NUP85: variants seen among roughly 807,000 people sequenced by gnomAD.
The protein encoded by NUP85 is nucleoporin 85.
A neutral mutation model predicts 92.8 loss-of-function variants in NUP85; 23 were observed. The observed-to-expected ratio is 0.25, with a 90% confidence interval of 0.18 to 0.35. The LOEUF is 0.35. Ranked by LOEUF, NUP85 falls within the 10% of genes least tolerant of loss-of-function variation. The pLI is 1.00. For synonymous variants in NUP85, 314 were observed against 306.9 expected (o/e 1.02, Z -0.24); for missense variants, 759 against 822.8 (o/e 0.92, Z 0.95).
At chr17:75,230,861 A>G (rs927067294) in intron 11 of NUP85, among the ~76,000 whole-genome samples, 3 of 151,816 alleles carry the variant, frequency 2.0e-5, no homozygotes, top group African/African-American at 7.3e-5. Context: ...CAGAGGTTGC[A>G]GTGAGTCGAG....
chr17:75,209,700 C>G, intron 2 of NUP85, 123 bp from the exon 3 acceptor site: 12 of 730,340 alleles, frequency 1.6e-5, no homozygotes, highest in Non-Finnish European at 2.3e-5. Flanking sequence ...CCTTGGCCTC[C>G]CAAAGTGCTG....
chr17:75,227,592 C>T (rs1037437184), intron 11 of NUP85, among the ~76,000 whole-genome samples: 12 of 151,672 alleles, frequency 7.9e-5, no homozygotes, highest in Non-Finnish European at 4.4e-5. Flanking sequence ...CTGCCCATCT[C>T]GGCCTCCCAA....
intron 5 of NUP85, among the ~76,000 whole-genome samples, chr17:75,215,274 G>A (rs982194581): frequency 1.3e-5 from 2 of 152,166 alleles, no homozygotes; most frequent in East Asian, 1.9e-4. Context: ...ATAGTGGCAC[G>A]ATTATGGCTC....
chr17:75,225,847 G>A lies in NUP85; in HGVS notation c.987+18G>A, dbSNP rs2075771906. On this transcript the variant is annotated intron_variant, in intron 10 of 18. Coordinates refer to ENST00000245544, the MANE Select transcript of NUP85 (RefSeq NM_024844.5). Reference sequence around the variant, plus strand: ...ATGCCCAGGTGAGTGAGCTCGGGGTGGGCAAGGGTGGGGGTAGGAGTCCTG... The same window carrying A: ...ATGCCCAGGTGAGTGAGCTCGGGGTAGGCAAGGGTGGGGGTAGGAGTCCTG... 1 of 1,613,826 alleles carries A rather than the reference G, an allele frequency of 6.2e-7. No individual in the cohort carries two copies. The highest frequency in any genetic ancestry group is 1.6e-4 in the Middle Eastern group (1 of 6,062).
At chr17:75,217,119 G>C (rs754629176) in intron 6 of NUP85, among the ~76,000 whole-genome samples, 1 of 152,036 alleles carries the variant, frequency 6.6e-6, no homozygotes, top group Non-Finnish European at 1.5e-5. Context: ...CTGGAGTACA[G>C]TGGCGTGATC....
At chr17:75,216,033 A>G (rs1003733028) in intron 6 of NUP85, among the ~76,000 whole-genome samples, 6 of 152,332 alleles carry the variant, frequency 3.9e-5, no homozygotes, top group Admixed American at 3.9e-4. Flanking sequence ...TGCCTCCAAG[A>G]AACCTAAACC....
intron 7 of NUP85, 36 bp downstream of exon 7, chr17:75,218,342 T>C: frequency 1.9e-6 from 3 of 1,610,256 alleles, no homozygotes; most frequent in Non-Finnish European, 2.5e-6. Context: ...CCACCATGTG[T>C]CCTACTGTCC....
chr17:75,235,694 T>C lies in NUP85; in HGVS notation c.*15T>C. 1 of 1,561,322 alleles carries C rather than the reference T, an allele frequency of 6.4e-7. No homozygotes were observed. Among genetic ancestry groups the C allele is most frequent in the East Asian group, 2.3e-5 (1 of 44,402 alleles). On this transcript the variant is annotated 3_prime_UTR_variant, in exon 19 of 19. Transcript: ENST00000245544. ...AAGGTTCCTGAGAACTGCTTCAATGTGGTATCTTTGTATGGCAATGTATAT... is the reference window on the plus strand; with the variant it reads ...AAGGTTCCTGAGAACTGCTTCAATGCGGTATCTTTGTATGGCAATGTATAT...
intron 7 of NUP85, among the ~76,000 whole-genome samples, chr17:75,223,047 A>C (rs2075646129): frequency 6.6e-6 from 1 of 151,720 alleles, no homozygotes. Context: ...AAAAAAAAAA[A>C]AAAAAAACTC....
At position 75,225,325 on chromosome 17, in the gene NUP85, G is replaced by A; in HGVS notation, c.733-17G>A. On this transcript the variant is annotated splice_polypyrimidine_tract_variant and intron_variant, in intron 8 of 18. Coordinates refer to ENST00000245544, the MANE Select transcript of NUP85 (RefSeq NM_024844.5). ...GGTGTGGATGGGATGACGTCTCATG[G>A]CTGGTCTCTCCCTTAGCCCGGGAAC... is the stretch of plus-strand genomic sequence containing the variant. The A allele has an allele frequency of 6.2e-7, 1 of 1,614,164 alleles. No individual in the cohort carries two copies. Among genetic ancestry groups the A allele is most frequent in the Non-Finnish European group, 8.5e-7 (1 of 1,179,998 alleles).
chr17:75,206,734 G>C (rs935974828), intron 1 of NUP85, among the ~76,000 whole-genome samples: 12 of 152,096 alleles, frequency 7.9e-5, no homozygotes, highest in Non-Finnish European at 1.8e-4. Flanking sequence ...GTCTCGCTCT[G>C]TCTCCCAGGC....
At chr17:75,225,851 A>G (rs780476921) in intron 10 of NUP85, 22 bp downstream of exon 10, 2 of 1,613,588 alleles carry the variant, frequency 1.2e-6, no homozygotes, top group Non-Finnish European at 1.7e-6. Context: ...CGGGGTGGGC[A>G]AGGGTGGGGG....
rs113120478 is a variant in NUP85 at position 75,212,085 on chromosome 17, C to T, written c.361+23C>T. 1.3e-4 allele frequency: 182 copies of T among 1,397,654 alleles called. 1 individual carries two copies. The highest frequency in any genetic ancestry group is 4.2e-4 in the South Asian group (35 of 83,186). The allele number at this position is 1,397,654 out of a possible 1,614,324, so 86.6% of individuals were successfully genotyped here. ...CAAGTAAGGACTGTGTGCGCGTGCG[C>T]GCGTGTGTGTGTGTGTGTGTGTGTG... is the stretch of plus-strand genomic sequence containing the variant. On this transcript the variant is annotated intron_variant, in intron 4 of 18. Transcript: ENST00000245544.
intron 3 of NUP85, among the ~76,000 whole-genome samples, chr17:75,210,309 T>C (rs1473371264): frequency 6.6e-6 from 1 of 152,220 alleles, no homozygotes; most frequent in African/African-American, 2.4e-5. Context: ...TGAAAATTAA[T>C]ATAAACCTAA....
At position 75,209,864 on chromosome 17, in the gene NUP85, A is replaced by G. The variant is rs765576349; in HGVS notation, c.169A>G (p.Ile57Val). The G allele has an allele frequency of 3.8e-6, 6 of 1,579,398 alleles. No individual in the cohort carries two copies. In the Admixed American group the frequency reaches 1.2e-4, roughly 32 times the overall value. ...GCCAAGTTGCCCCTTTATCTATATC[A>G]TCCGTAAGGATGTAGATGTTTACTC... ...MVPSCPFIYIIRKDVDVYSQI... is the reference protein window; with the variant it reads ...MVPSCPFIYIVRKDVDVYSQI... Residue 57 changes from isoleucine (I) to valine (V), a missense_variant, in exon 3 of 19, where the codon ATC becomes GTC. Coordinates refer to ENST00000245544, the MANE Select transcript of NUP85 (RefSeq NM_024844.5).
chr17:75,232,773 A>G, intron 14 of NUP85, 78 bp from the exon 15 acceptor site: 4 of 1,309,614 alleles, frequency 3.1e-6, no homozygotes, highest in Non-Finnish European at 3.3e-6. Flanking sequence ...CTGTGAGGCC[A>G]CTCCGGTCCC....
chr17:75,220,599 A>T (rs569871491), intron 7 of NUP85, among the ~76,000 whole-genome samples: 2 of 148,452 alleles, frequency 1.3e-5, no homozygotes, highest in Non-Finnish European at 3.0e-5. Flanking sequence ...TTATTTATTT[A>T]TTTTTTGAGA....
In NUP85 at chr17:75,224,920, G is replaced by A. The variant is rs148219204; in HGVS notation, c.598-183G>A. On this transcript the variant is annotated intron_variant, in intron 7 of 18. Transcript: ENST00000245544. ...TGGAGGTGACAAAGCCATGAGATTG[G>A]ATGTGATAGATTACTTCTGGAGGGA... is the stretch of plus-strand genomic sequence containing the variant. Among the ~76,000 whole-genome samples the A allele has an allele frequency of 4.6e-5, 7 of 152,280 alleles. No homozygotes were observed. The East Asian group carries it at 7.7e-4, about 17-fold the overall frequency.
chr17:75,215,306 C>T (rs2145298694), intron 5 of NUP85, among the ~76,000 whole-genome samples: 1 of 152,310 alleles, frequency 6.6e-6, no homozygotes, highest in South Asian at 2.1e-4. Flanking sequence ...ACTTCCTGGG[C>T]TCAAGTGATG....
Sources: allele counts gnomAD v4.1 joint callset (sites outside exome capture counted in the v4.1 genomes callset), GRCh38; gene constraint gnomAD v4.1.1; transcripts MANE v1.5; gene names NCBI Gene and HGNC (gene_info 2026-07-23, HGNC 2026-07-21).